DAB1: variants seen among roughly 807,000 people sequenced by gnomAD.
DAB1 encodes DAB adaptor protein 1.
Under a neutral mutation model 64.6 loss-of-function variants are expected in DAB1, and 15 were observed. The ratio of observed to expected loss-of-function variants is 0.23; its 90% CI spans 0.16 to 0.36. DAB1 has a LOEUF of 0.36. Ranked by LOEUF, DAB1 falls within the 10% of genes least tolerant of loss-of-function variation. DAB1 has a pLI of 1.00. For synonymous variants in DAB1, 235 were observed against 251.9 expected (o/e 0.93, Z 0.64); for missense variants, 596 against 706.7 (o/e 0.84, Z 1.78).
At chr1:57,081,607 T>C (rs1652563870) in intron 4 of DAB1, among the ~76,000 whole-genome samples, 2 of 152,272 alleles carry the variant, frequency 1.3e-5, no homozygotes, top group East Asian at 3.9e-4. Context: ...CTTAAGACTT[T>C]TTGAGGTGAG....
At chr1:57,227,826 G>A (rs1006546176) in intron 2 of DAB1, among the ~76,000 whole-genome samples, 8 of 152,166 alleles carry the variant, frequency 5.3e-5, no homozygotes, top group African/African-American at 1.4e-4. Flanking sequence ...CAAAGTGCTA[G>A]GGTTACAGGC....
At chr1:57,488,537 G>A (rs1344425155) in intron 7 of DAB1, among the ~76,000 whole-genome samples, 1 of 151,830 alleles carries the variant, frequency 6.6e-6, no homozygotes, top group East Asian at 1.9e-4. Context: ...TTAGCCGGGT[G>A]TGGTGGTGCA....
chr1:58,211,806 T>C (rs1484948095), intron 4 of DAB1, among the ~76,000 whole-genome samples: 1 of 152,122 alleles, frequency 6.6e-6, no homozygotes, highest in Admixed American at 6.6e-5. Context: ...ATAGTGGAAA[T>C]GGGATTCATA....
intron 6 of DAB1, among the ~76,000 whole-genome samples, chr1:57,668,926 G>A (rs1646478935): frequency 6.6e-6 from 1 of 152,054 alleles, no homozygotes; most frequent in Non-Finnish European, 1.5e-5. Context: ...CATATTCTAA[G>A]TTATATGGAC....
chr1:58,536,234 T>C (rs931212241), intron 1 of DAB1, among the ~76,000 whole-genome samples: 1 of 152,120 alleles, frequency 6.6e-6, no homozygotes, highest in African/African-American at 2.4e-5. Flanking sequence ...CCAGTCACCC[T>C]GCCTAACCCA....
chr1:57,307,641 C>T (rs2656095), intron 1 of DAB1, among the ~76,000 whole-genome samples: 86,969 of 151,754 alleles, frequency 0.57, 26,303 homozygotes, highest in African/African-American at 0.76. Context: ...GTCTGCTGAA[C>T]CTAGGCCACA....
At chr1:57,218,515 T>TAAAAAAAAAAAAAAAA (rs776398255) in intron 2 of DAB1, among the ~76,000 whole-genome samples, 6 of 71,450 alleles carry the variant, frequency 8.4e-5, no homozygotes, top group African/African-American at 3.7e-4. Context: ...CCCCCATCTC[T>TAAAAAAAAAAAAAAAA]AAAAAAAAAA....
At chr1:57,080,607 GCTGAGGGTATTCCAGAC>G (rs1652408370) in intron 4 of DAB1, among the ~76,000 whole-genome samples, 2 of 152,148 alleles carry the variant, frequency 1.3e-5, no homozygotes, top group African/African-American at 2.4e-5. Context: ...TAGTTAACCA[GCTGAGGGTATTCCAGAC>G]CTGTGAGTTG....
chr1:57,316,204 G>A (rs1423807285), intron 1 of DAB1, among the ~76,000 whole-genome samples: 1 of 152,184 alleles, frequency 6.6e-6, no homozygotes, highest in African/African-American at 2.4e-5. Context: ...GAAAACAGGT[G>A]AGGCATTTTG....
At chr1:57,033,226 G>T (rs779349655) in intron 9 of DAB1, among the ~76,000 whole-genome samples, 27 of 152,008 alleles carry the variant, frequency 1.8e-4, no homozygotes, top group Non-Finnish European at 3.4e-4. Context: ...TGACCTCATG[G>T]CAGGGCCCAC....
intron 1 of DAB1, among the ~76,000 whole-genome samples, chr1:57,347,914 A>G (rs891455338): frequency 6.6e-6 from 1 of 152,094 alleles, no homozygotes; most frequent in Non-Finnish European, 1.5e-5. Flanking sequence ...CTGTTTAGGG[A>G]TGAGCTTTGG....
At chr1:57,300,083 A>G (rs1189306934) in intron 1 of DAB1, among the ~76,000 whole-genome samples, 3 of 151,748 alleles carry the variant, frequency 2.0e-5, no homozygotes, top group Admixed American at 6.6e-5. Flanking sequence ...TGCCCTATAC[A>G]CCTTTGCATC....
At position 57,889,912 on chromosome 1, in the gene DAB1, G is replaced by A. The variant is rs1456878434; in HGVS notation, n.388-5750C>T. Among the ~76,000 whole-genome samples, 3 of 115,114 alleles carry A rather than the reference G, an allele frequency of 2.6e-5. 1 individual carries two copies. Among genetic ancestry groups the A allele is most frequent in the African/African-American group, 7.3e-5 (2 of 27,372 alleles). 75.5% of individuals were successfully genotyped at this position (115,114 alleles called of 152,430 possible). ...CACAAACTGGGGCGGGGGGGGGGGA[G>A]GGGGAAGAAATCACTGGAGTAGAGG... is the stretch of plus-strand genomic sequence containing the variant. On this transcript the variant is annotated intron_variant and non_coding_transcript_variant, in intron 5 of 20. Transcript: ENST00000485760.
rs149659577 is a variant in DAB1, at chr1:57,589,863, A to G, written n.625+59729T>C. 1.6e-4 allele frequency among the ~76,000 whole-genome samples: 25 copies of G among 152,340 alleles called. No homozygotes were observed. The East Asian group carries it at 3.7e-3, about 22-fold the overall frequency. ...GGAAAATAATGTAAGCTAACATAACAATACACTTTTTATTTTGGTGAAAAT... is the reference window on the plus strand; with the variant it reads ...GGAAAATAATGTAAGCTAACATAACGATACACTTTTTATTTTGGTGAAAAT... On this transcript the variant is annotated intron_variant and non_coding_transcript_variant, in intron 7 of 20. Coordinates refer to the DAB1 transcript ENST00000485760.
rs140725556 is a variant in DAB1, at chr1:57,525,415, C to T, written n.625+124177G>A. Among the ~76,000 whole-genome samples the T allele has an allele frequency of 7.4e-5, 11 of 149,284 alleles. No individual in the cohort carries two copies. In the East Asian group the frequency reaches 2.2e-3, roughly 30 times the overall value. On this transcript the variant is annotated intron_variant and non_coding_transcript_variant, in intron 7 of 20. Coordinates refer to the DAB1 transcript ENST00000485760. ...TGTTGAAGTATTTGAAAAAAATATA[C>T]TAGTAGACACAGAAAGTTAAGGAAA... is the stretch of plus-strand genomic sequence containing the variant.
intron 5 of DAB1, chr1:58,048,344 T>C (rs1402177742): frequency 9.7e-7 from 1 of 1,034,350 alleles, no homozygotes; most frequent in East Asian, 2.4e-5. Flanking sequence ...ATTGTTTTAA[T>C]TGCCCAAATC....
chr1:57,480,069 G>A (rs187560905), intron 7 of DAB1, among the ~76,000 whole-genome samples: 1,512 of 150,982 alleles, frequency 0.01, 32 homozygotes, highest in African/African-American at 0.035. Flanking sequence ...GGAGAATGGC[G>A]TGAACCCGGG....
chr1:57,128,906 C>T (rs1027483455), intron 4 of DAB1, among the ~76,000 whole-genome samples: 1 of 152,142 alleles, frequency 6.6e-6, no homozygotes, highest in Admixed American at 6.5e-5. Context: ...GAACATGGGC[C>T]TTAGCACCAT....
At chr1:57,478,274 A>G (rs1643964470) in intron 7 of DAB1, among the ~76,000 whole-genome samples, 1 of 152,162 alleles carries the variant, frequency 6.6e-6, no homozygotes, top group African/African-American at 2.4e-5. Flanking sequence ...TGATTTGAAA[A>G]TATGACACAC....
Sources: allele counts gnomAD v4.1 joint callset (sites outside exome capture counted in the v4.1 genomes callset), GRCh38; gene constraint gnomAD v4.1.1; transcripts MANE v1.5; gene names NCBI Gene and HGNC (gene_info 2026-07-23, HGNC 2026-07-21).